Variants in CRB1 observed in about 807,000 individuals in gnomAD.
CRB1 encodes the protein crumbs cell polarity complex component 1, also known as protein crumbs homolog 1.
In CRB1, 83 loss-of-function variants were observed where a neutral mutation model predicts 120.0. The ratio of observed to expected loss-of-function variants is 0.69; its 90% CI spans 0.58 to 0.83. The LOEUF is 0.83. Ranked by LOEUF, CRB1 falls within the 40% of genes least tolerant of loss-of-function variation. The pLI, the probability that CRB1 is intolerant of heterozygous loss-of-function variation, is 0.00. For missense variants in CRB1, 1,699 were observed against 1,687.6 expected, an observed-to-expected ratio of 1.01 and a Z score of -0.12; for synonymous variants, 625 against 612.5, an observed-to-expected ratio of 1.02 and a Z score of -0.30.
intron 5 of CRB1, among the ~76,000 whole-genome samples, chr1:197,358,327 AAT>A (rs1402723997): frequency 6.6e-6 from 1 of 152,136 alleles, no homozygotes; most frequent in Non-Finnish European, 1.5e-5. Context: ...TTATTTTTTA[AAT>A]ATTGGTTTTA....
chr1:197,466,307 G>A (rs1242075630), intron 11 of CRB1, among the ~76,000 whole-genome samples: 1 of 152,214 alleles, frequency 6.6e-6, no homozygotes, highest in Admixed American at 6.5e-5. Context: ...TCAAAAACTG[G>A]ATTTACTGCA....
intron 2 of CRB1, among the ~76,000 whole-genome samples, chr1:197,334,881 C>T (rs969909233): frequency 2.6e-5 from 4 of 152,122 alleles, no homozygotes; most frequent in Admixed American, 6.5e-5. Flanking sequence ...TTACATTCTG[C>T]AAGGAAGAGA....
At chr1:197,423,194 A>G (rs1039315852) in intron 6 of CRB1, among the ~76,000 whole-genome samples, 1 of 152,196 alleles carries the variant, frequency 6.6e-6, no homozygotes, top group Non-Finnish European at 1.5e-5. Context: ...TGGCTTCCAG[A>G]TGCAGTGACC....
At position 197,427,496 on chromosome 1, in the gene CRB1, A is replaced by G. The variant is rs765676754; in HGVS notation, c.2171A>G (p.Tyr724Cys). 24 of 1,613,700 alleles carry G rather than the reference A, an allele frequency of 1.5e-5. No individual in the cohort carries two copies. The highest frequency in any genetic ancestry group is 1.9e-5 in the Non-Finnish European group (23 of 1,179,924). Reference sequence around the variant, plus strand: ...TTTGGCCAGGATGACTCCACTGGTTATGTCATCTTTACTCTTGATGAGAGC... The same window carrying G: ...TTTGGCCAGGATGACTCCACTGGTTGTGTCATCTTTACTCTTGATGAGAGC... ...GRFGQDDSTG[Y>C]VIFTLDESYG... Residue 724 changes from tyrosine (Y) to cysteine (C), a missense_variant, in exon 7 of 12, where the codon TAT becomes TGT. Coordinates refer to ENST00000367400, the MANE Select transcript of CRB1 (RefSeq NM_201253.3).
At chr1:197,471,391 C>T (rs541581153) in intron 11 of CRB1, among the ~76,000 whole-genome samples, 1 of 152,230 alleles carries the variant, frequency 6.6e-6, no homozygotes, top group South Asian at 2.1e-4. Context: ...CTCGGCAAAC[C>T]CAGTGGGAGC....
chr1:197,373,923 A>T (rs1661507608), intron 5 of CRB1, among the ~76,000 whole-genome samples: 1 of 152,204 alleles, frequency 6.6e-6, no homozygotes, highest in African/African-American at 2.4e-5. Flanking sequence ...ATAATCTAAA[A>T]ATATGTCAAT....
At chr1:197,397,045 T>A (rs187922646) in intron 5 of CRB1, among the ~76,000 whole-genome samples, 13 of 152,256 alleles carry the variant, frequency 8.5e-5, no homozygotes, top group African/African-American at 2.9e-4. Flanking sequence ...ACATGTTTTT[T>A]CTTACATATT....
intron 2 of CRB1, among the ~76,000 whole-genome samples, chr1:197,334,745 T>A (rs187464713): frequency 2.0e-5 from 3 of 152,344 alleles, no homozygotes; most frequent in Non-Finnish European, 4.4e-5. Flanking sequence ...ATGGATTTTT[T>A]AAATATTTGT....
chr1:197,309,746 A>C (rs1188169234), intron 1 of CRB1, among the ~76,000 whole-genome samples: 3 of 147,070 alleles, frequency 2.0e-5, no homozygotes, highest in Admixed American at 1.4e-4. Context: ...GAGCAAGACT[A>C]CATCTCAAAA....
intron 5 of CRB1, among the ~76,000 whole-genome samples, chr1:197,376,549 A>G (rs1367054832): frequency 1.3e-5 from 2 of 152,104 alleles, no homozygotes; most frequent in Non-Finnish European, 2.9e-5. Flanking sequence ...TCTTTCTTTA[A>G]TATCCCACAT....
intron 5 of CRB1, among the ~76,000 whole-genome samples, chr1:197,419,044 A>G (rs941041944): frequency 1.1e-4 from 16 of 152,210 alleles, no homozygotes; most frequent in African/African-American, 3.9e-4. Context: ...AACTTGTTAT[A>G]TACCAAACAA....
At chr1:197,400,041 G>C (rs1662980073) in intron 5 of CRB1, among the ~76,000 whole-genome samples, 1 of 152,134 alleles carries the variant, frequency 6.6e-6, no homozygotes. Context: ...GTGAATGCCT[G>C]GACATGGGGA....
chr1:197,429,979 A>G (rs1664796801), intron 8 of CRB1, among the ~76,000 whole-genome samples: 1 of 152,234 alleles, frequency 6.6e-6, no homozygotes, highest in Admixed American at 6.5e-5. Context: ...CAGGCAATTC[A>G]TGTGATCTCC....
At chr1:197,237,564 C>G in the CRB1 span, among the ~76,000 whole-genome samples, 1 of 152,234 alleles carries the variant, frequency 6.6e-6, no homozygotes, top group East Asian at 1.9e-4. Context: ...TAGACATATT[C>G]CAATTATTTA....
the CRB1 span, among the ~76,000 whole-genome samples, chr1:197,203,726 G>A: frequency 1.3e-5 from 2 of 152,152 alleles, no homozygotes; most frequent in African/African-American, 4.8e-5. Context: ...ATCATTATAT[G>A]TTTTAAGTAT....
At chr1:197,454,641 C>G (rs1371413364) in intron 11 of CRB1, among the ~76,000 whole-genome samples, 1 of 152,090 alleles carries the variant, frequency 6.6e-6, no homozygotes, top group African/African-American at 2.4e-5. Flanking sequence ...TTTGTTAAGC[C>G]ATAGACAACT....
chr1:197,368,383 C>T (rs1001732646), intron 5 of CRB1, among the ~76,000 whole-genome samples: 6 of 152,118 alleles, frequency 3.9e-5, no homozygotes, highest in Non-Finnish European at 5.9e-5. Flanking sequence ...TTTGCCTTTA[C>T]CATGCATGTT....
chr1:197,429,737 C>A, intron 8 of CRB1, 123 bp downstream of exon 8: 1 of 1,054,190 alleles, frequency 9.5e-7, no homozygotes, highest in Non-Finnish European at 1.4e-6. Context: ...TGGTTGTTTC[C>A]CCTATGCGAG....
At chr1:197,361,586 A>C (rs1266093767) in intron 5 of CRB1, among the ~76,000 whole-genome samples, 2 of 151,796 alleles carry the variant, frequency 1.3e-5, no homozygotes, top group Non-Finnish European at 2.9e-5. Flanking sequence ...GATCTTCTAT[A>C]TTGCTGATTT....
Sources: gnomAD v4.1 joint callset for allele counts (sites outside exome capture counted in the v4.1 genomes callset) on GRCh38, gnomAD v4.1.1 for gene constraint, MANE v1.5 for transcripts, NCBI Gene and HGNC (gene_info 2026-07-23, HGNC 2026-07-21) for gene names.